The following SMG7 variants were observed in gnomAD, a reference collection of about 807,000 sequenced individuals.
SMG7 encodes SMG7 nonsense mediated mRNA decay factor.
In SMG7, 34 loss-of-function variants were observed where a neutral mutation model predicts 148.2. The ratio of observed to expected loss-of-function variants is 0.23; its 90% CI spans 0.17 to 0.31. The LOEUF (loss-of-function observed/expected upper bound fraction) is 0.31. Among genes scored for constraint, SMG7 ranks in the 10% least tolerant of loss-of-function variants. The pLI, the probability that SMG7 is intolerant of heterozygous loss-of-function variation, is 1.00. For missense variants in SMG7, 1,114 were observed against 1,408.4 expected (o/e 0.79, Z 3.35); for synonymous variants, 492 against 515.1 (o/e 0.96, Z 0.61).
chr1:183,540,938 T>C, intron 12 of SMG7, 46 bp from the exon 13 acceptor site: 1 of 1,600,216 alleles, frequency 6.2e-7, no homozygotes, highest in Non-Finnish European at 8.5e-7. Context: ...CTGGAAAATA[T>C]CTTTAGCAAT....
intron 1 of SMG7, among the ~76,000 whole-genome samples, chr1:183,509,289 T>G (rs986295590): frequency 3.9e-5 from 6 of 152,236 alleles, no homozygotes; most frequent in Admixed American, 1.3e-4. Flanking sequence ...ATTTCCTTTA[T>G]GAACAGATCT....
At chr1:183,491,307 A>G (rs1571807708) in intron 1 of SMG7, among the ~76,000 whole-genome samples, 1 of 152,318 alleles carries the variant, frequency 6.6e-6, no homozygotes, top group East Asian at 1.9e-4. Context: ...CTGCTGAATA[A>G]TATTCTTTTG....
chr1:183,494,609 A>C (rs187984414), intron 1 of SMG7, among the ~76,000 whole-genome samples: 213 of 151,100 alleles, frequency 1.4e-3, no homozygotes, highest in African/African-American at 5.0e-3. Flanking sequence ...AAAAAAAAAA[A>C]CGTATTTTTT....
chr1:183,527,754 T>A lies in SMG7; in HGVS notation c.485-202T>A. 1.7e-6 allele frequency: 1 copy of A among 582,974 alleles called. No individual in the cohort carries two copies. Among genetic ancestry groups the A allele is most frequent in the South Asian group, 1.6e-5 (1 of 64,414 alleles). The allele number at this position is 582,974 out of a possible 1,614,324, so 36.1% of individuals were successfully genotyped here. On this transcript the variant is annotated intron_variant, in intron 5 of 22. Coordinates refer to ENST00000688051, the MANE Select transcript of SMG7 (RefSeq NM_001375584.1). The surrounding 1 kb of genome is among the most constrained non-coding windows in gnomAD (Gnocchi z 4.0). ...TAGGTAAGCTTTAAAATTGGTTACA[T>A]GCTGAATGTCCCAAATAAGGAAGGC...
chr1:183,540,439 TAAG>T (rs1481704425), intron 12 of SMG7, among the ~76,000 whole-genome samples: 2 of 152,030 alleles, frequency 1.3e-5, no homozygotes, highest in Non-Finnish European at 2.9e-5. Context: ...AAAAGTTTAA[TAAG>T]GAGAAATCTG....
At chr1:183,496,081 A>G (rs1206691296) in intron 1 of SMG7, among the ~76,000 whole-genome samples, 4 of 152,170 alleles carry the variant, frequency 2.6e-5, no homozygotes, top group South Asian at 2.1e-4. Flanking sequence ...AAGTTTCCTA[A>G]AATCTCTAGG....
rs764381735 is a variant in SMG7, at chr1:183,545,332, A to C, written c.2370+20A>C. On this transcript the variant is annotated intron_variant, in intron 16 of 22. Transcript: ENST00000688051. ...CAGCAGGTAAGTTACAGTTGTGTGTACTATCCAGCTGAATGAAATAAGGGG... is the reference window on the plus strand; with the variant it reads ...CAGCAGGTAAGTTACAGTTGTGTGTCCTATCCAGCTGAATGAAATAAGGGG... The C allele has an allele frequency of 3.1e-6, 5 of 1,599,378 alleles. No individual in the cohort carries two copies. In the South Asian group the frequency reaches 5.5e-5, roughly 18 times the overall value.
chr1:183,508,757 G>A (rs1661525874), intron 1 of SMG7, among the ~76,000 whole-genome samples: 1 of 152,034 alleles, frequency 6.6e-6, no homozygotes, highest in Non-Finnish European at 1.5e-5. Flanking sequence ...TAGTATATAA[G>A]CCAAACTTTG....
intron 1 of SMG7, among the ~76,000 whole-genome samples, chr1:183,486,846 C>T (rs760693061): frequency 1.1e-4 from 17 of 152,116 alleles, no homozygotes; most frequent in South Asian, 2.1e-4. Flanking sequence ...TACAGGCGCA[C>T]GCCACCACAC....
chr1:183,489,639 G>A (rs1656429987), intron 1 of SMG7, among the ~76,000 whole-genome samples: 1 of 152,110 alleles, frequency 6.6e-6, no homozygotes, highest in Admixed American at 6.5e-5. Flanking sequence ...TAGAATTATT[G>A]CCTTTGTATT....
intron 1 of SMG7, among the ~76,000 whole-genome samples, chr1:183,506,396 G>A (rs1389813336): frequency 6.6e-6 from 1 of 152,056 alleles, no homozygotes; most frequent in Non-Finnish European, 1.5e-5. Flanking sequence ...TTTTCCAAAT[G>A]ACATTCAACA....
In SMG7 at chr1:183,493,601, A is replaced by T. The variant is rs150038660; in HGVS notation, c.30-19236A>T. Among the ~76,000 whole-genome samples, 132 of 152,220 alleles carry T rather than the reference A, an allele frequency of 8.7e-4. 1 individual carries two copies. The East Asian group carries it at 0.018, about 21-fold the overall frequency. On this transcript the variant is annotated intron_variant, in intron 1 of 22. Transcript: ENST00000688051. ...TTTGTTTTGTTTTTGTTTTTTATTG[A>T]GACGGAGTCTTGCTCTGTCACCCAG...
At chr1:183,519,271 AT>A (rs1427959202) in intron 4 of SMG7, among the ~76,000 whole-genome samples, 1 of 152,222 alleles carries the variant, frequency 6.6e-6, no homozygotes, top group African/African-American at 2.4e-5. Flanking sequence ...AGACTAAAAC[AT>A]TCATCACAGT....
chr1:183,547,850 T>A (rs2702181), intron 18 of SMG7, among the ~76,000 whole-genome samples: 45,163 of 151,714 alleles, frequency 0.3, 7,944 homozygotes, highest in East Asian at 0.52. Context: ...ATAACTAGAA[T>A]CACATAAAAT....
At chr1:183,539,101 G>A (rs778773038) in intron 12 of SMG7, among the ~76,000 whole-genome samples, 5 of 152,050 alleles carry the variant, frequency 3.3e-5, no homozygotes, top group African/African-American at 7.2e-5. Context: ...AGTGAGCTGA[G>A]AGATCACGCC....
At position 183,550,913 on chromosome 1, in the gene SMG7, A is replaced by T. The variant is rs33999926; in HGVS notation, c.3296A>T (p.Asp1099Val). 2,258 of 1,613,820 alleles carry T rather than the reference A, an allele frequency of 1.4e-3. 19 individuals are homozygous for T. The highest frequency in any genetic ancestry group is 5.7e-4 in the Non-Finnish European group (671 of 1,179,900). Reference protein sequence around the residue: ...DRRTADRWKTDKPAMGGFGID... With the variant: ...DRRTADRWKTVKPAMGGFGID... ...AGGACTGCAGATCGGTGGAAAACTG[A>T]TAAGCCAGGTGAGATCTACATTTCA... The change falls in exon 21 of 23, where the codon GAT becomes GTT. Residue 1099 changes from aspartate to valine, a missense_variant. By Grantham distance (152) the Asp-to-Val change is radical. Around this residue, in one of 4 missense-constraint regions of SMG7, gnomAD observed 788 missense variants for 894.5 expected, o/e 0.88. Coordinates refer to ENST00000688051, the MANE Select transcript of SMG7 (RefSeq NM_001375584.1).
intron 1 of SMG7, among the ~76,000 whole-genome samples, chr1:183,509,212 G>A (rs949224829): frequency 3.9e-5 from 6 of 152,042 alleles, no homozygotes; most frequent in South Asian, 2.1e-4. Context: ...TCCACAAGCC[G>A]ACCACGGCAT....
At chr1:183,514,878 G>A (rs1663117787) in intron 2 of SMG7, among the ~76,000 whole-genome samples, 1 of 152,204 alleles carries the variant, frequency 6.6e-6, no homozygotes, top group East Asian at 1.9e-4. Context: ...AAATCCAGGA[G>A]ATTCTCTTTG....
chr1:183,522,972 TA>T (rs1318457357), intron 4 of SMG7, among the ~76,000 whole-genome samples: 2 of 152,088 alleles, frequency 1.3e-5, no homozygotes, highest in Non-Finnish European at 2.9e-5. Context: ...CTCACTATGT[TA>T]CCCAGGCTGG....
Sources: gnomAD v4.1 joint callset for allele counts (sites outside exome capture counted in the v4.1 genomes callset) on GRCh38, gnomAD v4.1.1 for gene constraint, gnomAD v4.1.1 regional missense constraint, Gnocchi (gnomAD v3.1) non-coding constraint, MANE v1.5 for transcripts, NCBI Gene and HGNC (gene_info 2026-07-23, HGNC 2026-07-21) for gene names.